CACNA2D3: variants seen among roughly 807,000 people sequenced by gnomAD.
CACNA2D3 encodes the protein calcium voltage-gated channel auxiliary subunit alpha2delta 3, also known as voltage-dependent calcium channel subunit alpha-2/delta-3.
Under a neutral mutation model 160.6 loss-of-function variants are expected in CACNA2D3, and 60 were observed. That is an observed-to-expected ratio of 0.37 (90% CI 0.30 to 0.46). The LOEUF is 0.46. Among genes scored for constraint, CACNA2D3 ranks in the 20% least tolerant of loss-of-function variants. The probability of loss-of-function intolerance (pLI) is 1.00; values close to 1 mark genes in which losing one functional copy is unlikely to be tolerated. For synonymous variants in CACNA2D3, 558 were observed against 492.9 expected, an observed-to-expected ratio of 1.13 and a Z score of -1.75; for missense variants, 1,205 against 1,365.0, an observed-to-expected ratio of 0.88 and a Z score of 1.85.
intron 5 of CACNA2D3, among the ~76,000 whole-genome samples, chr3:54,508,410 A>C (rs79768497): frequency 7.2e-5 from 11 of 152,314 alleles, no homozygotes; most frequent in Admixed American, 2.6e-4. Context: ...GACTGGATGG[A>C]TAAGGTGAGA....
intron 14 of CACNA2D3, among the ~76,000 whole-genome samples, chr3:54,825,727 C>T (rs1331204699): frequency 6.6e-6 from 1 of 152,142 alleles, no homozygotes; most frequent in Non-Finnish European, 1.5e-5. Context: ...AGAAAGATGA[C>T]ACAAGAACAC....
At chr3:54,854,693 G>A (rs1200949525) in intron 17 of CACNA2D3, among the ~76,000 whole-genome samples, 1 of 152,114 alleles carries the variant, frequency 6.6e-6, no homozygotes, top group Non-Finnish European at 1.5e-5. Context: ...TGCCTCGTGC[G>A]TGGAGTGCTC....
intron 11 of CACNA2D3, among the ~76,000 whole-genome samples, chr3:54,739,080 G>A (rs1394604661): frequency 2.0e-5 from 3 of 151,942 alleles, no homozygotes; most frequent in South Asian, 2.1e-4. Context: ...GCAGTGAGCC[G>A]AGATCATGCC....
chr3:54,652,430 C>T (rs1026906453), intron 11 of CACNA2D3, among the ~76,000 whole-genome samples: 2 of 152,130 alleles, frequency 1.3e-5, no homozygotes, highest in African/African-American at 4.8e-5. Flanking sequence ...ATCATTTAAT[C>T]ATAAGTCTTC....
chr3:54,377,346 A>G (rs1346029538), intron 3 of CACNA2D3, among the ~76,000 whole-genome samples: 1 of 152,224 alleles, frequency 6.6e-6, no homozygotes, highest in Non-Finnish European at 1.5e-5. Context: ...TTTTCTTGGC[A>G]GCAGAATTAA....
At chr3:55,038,188 A>G (rs1365241484) in intron 35 of CACNA2D3, among the ~76,000 whole-genome samples, 1 of 152,224 alleles carries the variant, frequency 6.6e-6, no homozygotes, top group Non-Finnish European at 1.5e-5. Flanking sequence ...TACCTAGAAC[A>G]AGCAGATTGA....
chr3:55,001,368 G>A (rs1201002726), intron 31 of CACNA2D3, among the ~76,000 whole-genome samples: 2 of 152,180 alleles, frequency 1.3e-5, no homozygotes, highest in African/African-American at 4.8e-5. Flanking sequence ...AATTGGTAGT[G>A]GCAATGAAAA....
intron 35 of CACNA2D3, among the ~76,000 whole-genome samples, chr3:55,065,627 A>T (rs547642422): frequency 3.9e-5 from 6 of 151,994 alleles, no homozygotes; most frequent in African/African-American, 1.4e-4. Flanking sequence ...CGATTGCACC[A>T]CTGCACTCCA....
intron 2 of CACNA2D3, among the ~76,000 whole-genome samples, chr3:54,297,926 G>C (rs1244187294): frequency 6.6e-6 from 1 of 152,202 alleles, no homozygotes; most frequent in East Asian, 1.9e-4. Flanking sequence ...GTATCACACA[G>C]AAGTTGTTAG....
chr3:54,638,896 T>C (rs1198988313), intron 10 of CACNA2D3: 4 of 151,866 alleles, frequency 2.6e-5, no homozygotes, highest in Non-Finnish European at 4.4e-5. Context: ...TTGAAGAGAT[T>C]TTAAGTTCTT....
At chr3:54,918,995 C>G (rs1330117546) in intron 27 of CACNA2D3, 1 of 707,920 alleles carries the variant, frequency 1.4e-6, no homozygotes, top group African/African-American at 1.9e-5. Flanking sequence ...TATGAAGTAC[C>G]TTTTTTTTTT....
At chr3:54,560,619 C>T (rs910526119) in intron 5 of CACNA2D3, among the ~76,000 whole-genome samples, 1 of 152,130 alleles carries the variant, frequency 6.6e-6, no homozygotes, top group African/African-American at 2.4e-5. Context: ...GTTGCAATTG[C>T]TTTTGGTGTC....
At chr3:54,537,137 G>T (rs1701902800) in intron 5 of CACNA2D3, among the ~76,000 whole-genome samples, 2 of 152,036 alleles carry the variant, frequency 1.3e-5, no homozygotes, top group African/African-American at 4.8e-5. Flanking sequence ...AGAAGGGAGG[G>T]ACAGGCAGGC....
intron 11 of CACNA2D3, among the ~76,000 whole-genome samples, chr3:54,741,204 G>A (rs1457031460): frequency 6.6e-6 from 1 of 152,074 alleles, no homozygotes; most frequent in Non-Finnish European, 1.5e-5. Context: ...GGCCTAGAGG[G>A]ACACACCCAG....
chr3:54,577,979 GGTGAAAGCT>G (rs1702613651), intron 8 of CACNA2D3, among the ~76,000 whole-genome samples: 1 of 152,192 alleles, frequency 6.6e-6, no homozygotes, highest in Admixed American at 6.5e-5. Context: ...CTCTTTAAAG[GGTGAAAGCT>G]GTTTGTCCAT....
At chr3:54,818,362 G>T (rs1045262759) in intron 14 of CACNA2D3, among the ~76,000 whole-genome samples, 3 of 152,284 alleles carry the variant, frequency 2.0e-5, no homozygotes, top group African/African-American at 7.2e-5. Context: ...TGTATTTTTA[G>T]TAGAGACAGG....
At chr3:54,134,133 G>A (rs1276796462) in intron 2 of CACNA2D3, among the ~76,000 whole-genome samples, 1 of 152,138 alleles carries the variant, frequency 6.6e-6, no homozygotes, top group Non-Finnish European at 1.5e-5. Context: ...ACAATCGACA[G>A]CTAGCTTGAA....
intron 2 of CACNA2D3, among the ~76,000 whole-genome samples, chr3:54,241,523 C>T (rs918089303): frequency 2.0e-5 from 3 of 152,184 alleles, no homozygotes; most frequent in Non-Finnish European, 2.9e-5. Flanking sequence ...GACACAGCCT[C>T]GGAGCAGAAT....
intron 32 of CACNA2D3, 95 bp downstream of exon 32, chr3:55,004,933 CT>C: frequency 2.5e-6 from 2 of 803,804 alleles, no homozygotes; most frequent in African/African-American, 1.8e-5. Context: ...TCAAGTTTAT[CT>C]TTTTGCAAAA....
Sources: gnomAD v4.1 joint callset for allele counts (sites outside exome capture counted in the v4.1 genomes callset) on GRCh38, gnomAD v4.1.1 for gene constraint, MANE v1.5 for transcripts, NCBI Gene and HGNC (gene_info 2026-07-23, HGNC 2026-07-21) for gene names.